Variants in PUM2 observed in about 807,000 individuals in gnomAD.
PUM2 encodes pumilio homolog 2.
PUM2 carries 57 observed loss-of-function variants against 124.5 expected under a neutral mutation model. That is an observed-to-expected ratio of 0.46 (90% CI 0.37 to 0.57). The LOEUF is 0.57. PUM2 is among the 20% of genes least tolerant of loss of function. PUM2 has a pLI of 0.00. For missense variants in PUM2, 1,065 were observed against 1,290.6 expected (o/e 0.83, Z 2.68); for synonymous variants, 460 against 446.1 (o/e 1.03, Z -0.39).
intron 1 of PUM2, among the ~76,000 whole-genome samples, chr2:20,333,506 C>CA (rs1268159147): frequency 1.3e-5 from 2 of 151,072 alleles, no homozygotes; most frequent in African/African-American, 4.9e-5. Context: ...GACCCTGTCT[C>CA]AAAAAAAGAA....
chr2:20,297,754 C>A (rs902762741), intron 7 of PUM2, 76 bp from the exon 8 acceptor site: 57 of 1,421,142 alleles, frequency 4.0e-5, no homozygotes, highest in Admixed American at 1.8e-5. Flanking sequence ...AACATTTCTA[C>A]TCTGAATCTG....
chr2:20,335,944 C>G (rs1685906673), intron 1 of PUM2, among the ~76,000 whole-genome samples: 1 of 152,178 alleles, frequency 6.6e-6, no homozygotes, highest in South Asian at 2.1e-4. Context: ...ACAAAAGTTT[C>G]TCCTCTTATA....
In PUM2 at chr2:20,257,043, C is replaced by CAAAAAAAAA. The variant is rs58072146; in HGVS notation, c.2485-882_2485-874dup. 1.0e-3 allele frequency among the ~76,000 whole-genome samples: 74 copies of CAAAAAAAAA among 71,810 alleles called. 1 individual carries two copies. Among genetic ancestry groups the CAAAAAAAAA allele is most frequent in the African/African-American group, 3.4e-3 (57 of 16,822 alleles). 47.1% of individuals were successfully genotyped at this position (71,810 alleles called of 152,430 possible). A position where few individuals can be genotyped will look rare whatever the true frequency, so the allele number is the denominator to read the frequency against. On this transcript the variant is annotated intron_variant, in intron 16 of 20. Transcript: ENST00000361078. ...TGGGCGACACAGCAAGATTCCGTCT[C>CAAAAAAAAA]AAAAAAAAAAAAAAAAAAAAAAAAA...
chr2:20,344,227 C>A (rs1687780253), intron 1 of PUM2, among the ~76,000 whole-genome samples: 1 of 152,040 alleles, frequency 6.6e-6, no homozygotes, highest in Admixed American at 6.6e-5. Flanking sequence ...GCCACCATGC[C>A]CAGCTAATTT....
intron 2 of PUM2, among the ~76,000 whole-genome samples, chr2:20,325,267 T>A (rs949872186): frequency 6.6e-6 from 1 of 152,182 alleles, no homozygotes; most frequent in African/African-American, 2.4e-5. Context: ...CATCTTAAAA[T>A]ATATTTTTAC....
intron 13 of PUM2, among the ~76,000 whole-genome samples, chr2:20,270,882 C>G (rs913941899): frequency 1.3e-5 from 2 of 151,790 alleles, no homozygotes; most frequent in African/African-American, 4.8e-5. Flanking sequence ...GAAAATAAAC[C>G]TAGAAACAAT....
chr2:20,338,483 C>A (rs1168731024), intron 1 of PUM2, among the ~76,000 whole-genome samples: 3 of 152,200 alleles, frequency 2.0e-5, no homozygotes, highest in African/African-American at 7.2e-5. Flanking sequence ...CAAAGTTTGG[C>A]TCAAATGCAG....
At position 20,350,735 on chromosome 2, in the gene PUM2, C is replaced by A. The variant is rs1285103333; in HGVS notation, c.-157G>T. 3.1e-6 allele frequency: 3 copies of A among 972,122 alleles called. No individual in the cohort carries two copies. The highest frequency in any genetic ancestry group is 2.4e-6 in the Non-Finnish European group (2 of 820,970). 60.2% of individuals were successfully genotyped at this position (972,122 alleles called of 1,614,324 possible). Reference sequence around the variant, plus strand: ...TTCTCCACCTACCACCCTCCCCCCCCACCCCACCTCCTCCTTCTCCTCCCC... The same window carrying A: ...TTCTCCACCTACCACCCTCCCCCCCAACCCCACCTCCTCCTTCTCCTCCCC... On this transcript the variant is annotated 5_prime_UTR_variant, in exon 1 of 21. Transcript: ENST00000361078.
intron 1 of PUM2, among the ~76,000 whole-genome samples, chr2:20,342,071 T>C (rs1341522553): frequency 6.9e-6 from 1 of 145,100 alleles, no homozygotes; most frequent in Non-Finnish European, 1.5e-5. Flanking sequence ...GGTGGTTGCA[T>C]GGAGCGGAGA....
chr2:20,265,408 C>T (rs1189107442), intron 13 of PUM2, among the ~76,000 whole-genome samples: 2 of 152,218 alleles, frequency 1.3e-5, no homozygotes, highest in African/African-American at 4.8e-5. Context: ...TGTCTCACTA[C>T]TGCCAGCCTT....
chr2:20,318,340 G>A (rs1054653855), intron 3 of PUM2, among the ~76,000 whole-genome samples, 197 bp downstream of exon 3: 4 of 152,134 alleles, frequency 2.6e-5, no homozygotes, highest in African/African-American at 4.8e-5. Flanking sequence ...GGTGGCTCAC[G>A]CCTACCATCC....
At chr2:20,288,070 T>C (rs1261630659) in intron 10 of PUM2, among the ~76,000 whole-genome samples, 1 of 152,180 alleles carries the variant, frequency 6.6e-6, no homozygotes, top group African/African-American at 2.4e-5. Context: ...GAGGAATAAG[T>C]CTAAAGTATC....
intron 1 of PUM2, among the ~76,000 whole-genome samples, chr2:20,348,354 G>A (rs928510405): frequency 2.6e-5 from 4 of 152,032 alleles, no homozygotes; most frequent in Non-Finnish European, 4.4e-5. Flanking sequence ...TTAAATATCT[G>A]TAAATTTTAA....
intron 7 of PUM2, among the ~76,000 whole-genome samples, chr2:20,301,271 A>G (rs180819640): frequency 6.6e-6 from 1 of 152,352 alleles, no homozygotes; most frequent in East Asian, 1.9e-4. Context: ...TTGGTTTGCA[A>G]CTTCATCTAT....
Position 20,278,633 on chromosome 2 carries a change from G to C in PUM2, c.1907C>G (p.Thr636Arg). ...ATGTGATGAAAGTGATGGCGGTGGC[G>C]TAAGTGAATGTCCTGGAGTTTGGCT... ...LPSQTPGHSL[T>R]PPPSLSSHGS... The change falls in exon 13 of 21, where the codon ACG (threonine) becomes AGG (arginine). Residue 636 changes from threonine (T) to arginine (R), a missense_variant. Around this residue, in one of 3 missense-constraint regions of PUM2, gnomAD observed 968 missense variants for 1,159.8 expected, o/e 0.83. Coordinates refer to ENST00000361078, the MANE Select transcript of PUM2 (RefSeq NM_015317.5). 1 of 1,613,380 alleles carries C rather than the reference G, an allele frequency of 6.2e-7. No homozygotes were observed. The highest frequency in any genetic ancestry group is 8.5e-7 in the Non-Finnish European group (1 of 1,179,608).
At chr2:20,276,137 T>TA (rs1045264337) in intron 13 of PUM2, among the ~76,000 whole-genome samples, 28 of 151,810 alleles carry the variant, frequency 1.8e-4, no homozygotes, top group Non-Finnish European at 2.8e-4. Flanking sequence ...TAGATTTTTA[T>TA]AAAAAAATTA....
chr2:20,350,698 G>T lies in PUM2; in HGVS notation c.-120C>A. ...TCCCCCTCCTCCGCCTTCGGTGGCG[G>T]CAATGTCTTCTTTCTCCACCTACCA... On this transcript the variant is annotated 5_prime_UTR_variant, in exon 1 of 21. Coordinates refer to ENST00000361078, the MANE Select transcript of PUM2 (RefSeq NM_015317.5). 1.0e-6 allele frequency: 1 copy of T among 984,050 alleles called. No homozygotes were observed. The highest frequency in any genetic ancestry group is 1.2e-6 in the Non-Finnish European group (1 of 829,016). 61.0% of individuals were successfully genotyped at this position (984,050 alleles called of 1,614,324 possible). A position where few individuals can be genotyped will look rare whatever the true frequency, so the allele number is the denominator to read the frequency against.
chr2:20,323,557 C>T (rs1293246022), intron 2 of PUM2, among the ~76,000 whole-genome samples: 1 of 151,730 alleles, frequency 6.6e-6, no homozygotes, highest in Non-Finnish European at 1.5e-5. Flanking sequence ...CATGACTTAA[C>T]TTACTGACCC....
rs902456266 is a variant in PUM2, at chr2:20,268,307, G to A, written c.1958-4847C>T. Among the ~76,000 whole-genome samples, 7 of 152,220 alleles carry A rather than the reference G, an allele frequency of 4.6e-5. No individual in the cohort carries two copies. In the South Asian group the frequency reaches 1.5e-3, roughly 32 times the overall value. On this transcript the variant is annotated intron_variant, in intron 13 of 20. Coordinates refer to ENST00000361078, the MANE Select transcript of PUM2 (RefSeq NM_015317.5). ...TACAACAGATTTTCAACTAGTAATT[G>A]CAAATAAAAATCAAAGTAAGTATGC...
Sources: gnomAD v4.1 joint callset for allele counts (sites outside exome capture counted in the v4.1 genomes callset) on GRCh38, gnomAD v4.1.1 for gene constraint, gnomAD v4.1.1 regional missense constraint, MANE v1.5 for transcripts, NCBI Gene and HGNC (gene_info 2026-07-23, HGNC 2026-07-21) for gene names.